Variants in CADPS observed in about 807,000 individuals in gnomAD.
CADPS encodes calcium-dependent secretion activator 1.
CADPS carries 57 observed loss-of-function variants against 167.3 expected under a neutral mutation model. The observed-to-expected ratio is 0.34, with a 90% CI of 0.28 to 0.42. The LOEUF (loss-of-function observed/expected upper bound fraction) is 0.42. CADPS is among the 20% of genes least tolerant of loss of function. The pLI is 1.00. For synonymous variants in CADPS, 676 were observed against 635.3 expected, an observed-to-expected ratio of 1.06 and a Z score of -0.96; for missense variants, 1,414 against 1,738.1, an observed-to-expected ratio of 0.81 and a Z score of 3.32.
At chr3:62,717,868 C>G (rs1008793264) in intron 3 of CADPS, among the ~76,000 whole-genome samples, 10 of 152,170 alleles carry the variant, frequency 6.6e-5, no homozygotes, top group African/African-American at 2.4e-4. Context: ...ACCTTTCTGA[C>G]TTCATCATTT....
At chr3:62,759,527 G>T (rs1035477549) in intron 2 of CADPS, among the ~76,000 whole-genome samples, 1 of 152,152 alleles carries the variant, frequency 6.6e-6, no homozygotes, top group African/African-American at 2.4e-5. Context: ...TAGGAAATAA[G>T]ACAGTTTACT....
intron 5 of CADPS, among the ~76,000 whole-genome samples, chr3:62,650,220 G>T (rs1462162245): frequency 6.6e-6 from 1 of 152,072 alleles, no homozygotes; most frequent in Admixed American, 6.6e-5. Flanking sequence ...CAGTAGATCT[G>T]GGTGGTACCC....
rs1006881370 is a variant in CADPS at position 62,635,326 on chromosome 3, A to G, written c.1325+10396T>C. ...AGCCTTCTGCCTCTAATAGTCCTCA[A>G]TGATTGATCCTGCAACTCTACTGTA... On this transcript the variant is annotated intron_variant, in intron 6 of 29. Transcript: ENST00000383710. Among the ~76,000 whole-genome samples, 4 of 152,148 alleles carry G rather than the reference A, an allele frequency of 2.6e-5. No individual in the cohort carries two copies. The South Asian group carries it at 6.2e-4, about 24-fold the overall frequency.
At chr3:62,491,832 A>T (rs1287357995) in intron 20 of CADPS, among the ~76,000 whole-genome samples, 1 of 152,178 alleles carries the variant, frequency 6.6e-6, no homozygotes, top group African/African-American at 2.4e-5. Context: ...CTAGGAAGAA[A>T]GAACATTCTT....
chr3:62,730,670 C>T (rs2077598337), intron 3 of CADPS, among the ~76,000 whole-genome samples: 1 of 152,144 alleles, frequency 6.6e-6, no homozygotes. Context: ...ACTGGGAGAC[C>T]AGACACTGCA....
At chr3:62,599,611 TTATATATAATA>T (rs2059426231) in intron 6 of CADPS, among the ~76,000 whole-genome samples, 3 of 69,200 alleles carry the variant, frequency 4.3e-5, no homozygotes, top group Non-Finnish European at 7.5e-5. Flanking sequence ...ATTTATTATA[TTATATATAATA>T]TATAATATAA....
intron 11 of CADPS, among the ~76,000 whole-genome samples, chr3:62,547,859 T>C (rs1254205872): frequency 2.0e-5 from 3 of 152,090 alleles, no homozygotes; most frequent in Non-Finnish European, 2.9e-5. Context: ...TTTTAATCGA[T>C]TTCTTGTCTC....
At chr3:62,418,186 A>G (rs1188966728) in intron 28 of CADPS, among the ~76,000 whole-genome samples, 1 of 151,998 alleles carries the variant, frequency 6.6e-6, no homozygotes, top group Non-Finnish European at 1.5e-5. Context: ...GTTCTCTATG[A>G]AAAAGGAAGA....
chr3:62,707,333 C>T (rs114439759), intron 3 of CADPS, among the ~76,000 whole-genome samples: 111 of 152,224 alleles, frequency 7.3e-4, no homozygotes, highest in Non-Finnish European at 1.3e-3. Context: ...CCTGCAACCC[C>T]GGGTCTGTGA....
At chr3:62,633,864 C>A (rs762144916) in intron 6 of CADPS, among the ~76,000 whole-genome samples, 1 of 151,978 alleles carries the variant, frequency 6.6e-6, no homozygotes, top group Non-Finnish European at 1.5e-5. Context: ...CAAGAACAAT[C>A]GAAATTAACA....
At chr3:62,558,087 TC>T (rs2078493483) in intron 9 of CADPS, among the ~76,000 whole-genome samples, 1 of 152,248 alleles carries the variant, frequency 6.6e-6, no homozygotes, top group Admixed American at 6.5e-5. Flanking sequence ...TTTGTCCCCT[TC>T]TTCCTGCTGA....
intron 3 of CADPS, among the ~76,000 whole-genome samples, chr3:62,670,349 A>G (rs1181174474): frequency 1.3e-5 from 2 of 152,190 alleles, no homozygotes; most frequent in Non-Finnish European, 2.9e-5. Flanking sequence ...TCTCCCATGC[A>G]GTCAATTACA....
Position 62,474,237 on chromosome 3 carries a change from A to C in CADPS, c.3413T>G (p.Phe1138Cys), listed in dbSNP as rs534391982. The C allele has an allele frequency of 6.2e-7, 1 of 1,605,846 alleles. No homozygotes were observed. Among genetic ancestry groups the C allele is most frequent in the African/African-American group, 1.4e-5 (1 of 71,980 alleles). ...AGCTTTGGCATCAACCATAACATTA[A>C]ACATGGTGCATATTGACTGTGGGAC... ...FRVPQSICTM[F>C]NVMVDAKAQS... Residue 1138 changes from phenylalanine to cysteine, a missense_variant, in exon 24 of 30, where the codon TTT (phenylalanine) becomes TGT (cysteine). Around this residue, in one of 6 missense-constraint regions of CADPS, gnomAD observed 19 missense variants for 49.4 expected, o/e 0.38. Transcript: ENST00000383710.
At chr3:62,749,790 A>G (rs570734374) in intron 3 of CADPS, among the ~76,000 whole-genome samples, 1 of 152,180 alleles carries the variant, frequency 6.6e-6, no homozygotes, top group Non-Finnish European at 1.5e-5. Flanking sequence ...TGCAGACTTC[A>G]TATGAAAGCT....
intron 24 of CADPS, among the ~76,000 whole-genome samples, chr3:62,469,435 A>G (rs2060312626): frequency 6.6e-6 from 1 of 152,182 alleles, no homozygotes; most frequent in Non-Finnish European, 1.5e-5. Context: ...TTGTTATAAA[A>G]TGCCTTGCAG....
At chr3:62,454,598 T>G (rs2058465134) in intron 26 of CADPS, among the ~76,000 whole-genome samples, 1 of 152,200 alleles carries the variant, frequency 6.6e-6, no homozygotes, top group South Asian at 2.1e-4. Context: ...GGAAGTATTT[T>G]GAACAACAAA....
intron 11 of CADPS, among the ~76,000 whole-genome samples, chr3:62,547,300 G>A (rs76917126): frequency 0.01 from 1,523 of 152,296 alleles, 27 homozygotes; most frequent in East Asian, 0.055. Flanking sequence ...TGGCACTGCA[G>A]AACTCAATGG....
chr3:62,564,767 C>T (rs1054192862), intron 9 of CADPS, among the ~76,000 whole-genome samples: 2 of 151,762 alleles, frequency 1.3e-5, no homozygotes, highest in African/African-American at 4.8e-5. Context: ...CCACCATGCC[C>T]AGGTAATTTT....
intron 1 of CADPS, among the ~76,000 whole-genome samples, chr3:62,777,114 A>G (rs1225255304): frequency 6.6e-6 from 1 of 152,242 alleles, no homozygotes; most frequent in Non-Finnish European, 1.5e-5. Context: ...TTAAAATACT[A>G]GCACAGCAAC....
Sources: gnomAD v4.1 joint callset for allele counts (sites outside exome capture counted in the v4.1 genomes callset) on GRCh38, gnomAD v4.1.1 for gene constraint, gnomAD v4.1.1 regional missense constraint, MANE v1.5 for transcripts, NCBI Gene and HGNC (gene_info 2026-07-23, HGNC 2026-07-21) for gene names.